The following SOS2 variants were observed in gnomAD, a reference collection of about 807,000 sequenced individuals.
The protein encoded by SOS2 is SOS Ras/Rho guanine nucleotide exchange factor 2, also known as son of sevenless homolog 2.
A neutral mutation model predicts 148.2 loss-of-function variants in SOS2; 65 were observed. That is an observed-to-expected ratio of 0.44 (90% confidence interval 0.36 to 0.54). The LOEUF is 0.54. SOS2 is among the 20% of genes least tolerant of loss of function. The probability of loss-of-function intolerance (pLI) is 0.00; values close to 1 mark genes in which losing one functional copy is unlikely to be tolerated. For synonymous variants in SOS2, 539 were observed against 537.1 expected, an observed-to-expected ratio of 1.00 and a Z score of -0.05; for missense variants, 1,341 against 1,590.2, an observed-to-expected ratio of 0.84 and a Z score of 2.67.
intron 11 of SOS2, among the ~76,000 whole-genome samples, chr14:50,157,557 G>A (rs1257078201): frequency 6.6e-6 from 1 of 152,066 alleles, no homozygotes; most frequent in Admixed American, 6.6e-5. Context: ...AAGTGGATAA[G>A]ATAAAGATAA....
chr14:50,176,756 T>A (rs1160192873), intron 7 of SOS2, among the ~76,000 whole-genome samples: 5 of 152,232 alleles, frequency 3.3e-5, no homozygotes, highest in Admixed American at 1.3e-4. Flanking sequence ...ACGCCTGTAA[T>A]CCCAGCACTT....
At chr14:50,189,330 G>GAAAAAAAAAAAAAAAAAAA (rs1566472509) in intron 4 of SOS2, among the ~76,000 whole-genome samples, 1 of 3,600 alleles carries the variant, frequency 2.8e-4, no homozygotes, top group Non-Finnish European at 7.7e-4. Flanking sequence ...ACACATAATA[G>GAAAAAAAAAAAAAAAAAAA]CAAAAAAAAA....
intron 1 of SOS2, among the ~76,000 whole-genome samples, chr14:50,224,091 T>A (rs1566487693): frequency 1.3e-5 from 2 of 151,196 alleles, no homozygotes; most frequent in Non-Finnish European, 2.9e-5. Context: ...AAGGCCAGCC[T>A]GGCCAACATG....
chr14:50,173,121 G>GC (rs1021698733), intron 8 of SOS2, among the ~76,000 whole-genome samples: 1 of 151,624 alleles, frequency 6.6e-6, no homozygotes, highest in Non-Finnish European at 1.5e-5. Flanking sequence ...TAGGCTTGTG[G>GC]CCACCATGCC....
At chr14:50,207,361 A>T (rs938465643) in intron 1 of SOS2, among the ~76,000 whole-genome samples, 8 of 152,108 alleles carry the variant, frequency 5.3e-5, no homozygotes, top group Admixed American at 5.2e-4. Flanking sequence ...AAATAAAAAA[A>T]TTAGCTGGGC....
chr14:50,227,353 T>C (rs1276284804), intron 1 of SOS2, among the ~76,000 whole-genome samples: 1 of 149,438 alleles, frequency 6.7e-6, no homozygotes, highest in Admixed American at 6.7e-5. Context: ...CAAGAGATTC[T>C]CTGCCTCAGC....
At chr14:50,167,799 G>C (rs1594987179) in intron 8 of SOS2, among the ~76,000 whole-genome samples, 1 of 81,624 alleles carries the variant, frequency 1.2e-5, no homozygotes, top group Non-Finnish European at 2.5e-5. Context: ...GAACCCAGGA[G>C]GTGGGGGTTG....
chr14:50,198,147 T>A (rs958397893), intron 4 of SOS2, among the ~76,000 whole-genome samples: 2 of 152,242 alleles, frequency 1.3e-5, no homozygotes, highest in South Asian at 4.1e-4. Flanking sequence ...AAAACTTGAA[T>A]GATGTTTGAA....
chr14:50,147,393 T>C (rs933187988), intron 14 of SOS2, among the ~76,000 whole-genome samples: 1 of 151,452 alleles, frequency 6.6e-6, no homozygotes, highest in Admixed American at 6.6e-5. Context: ...GTGCCTGTAG[T>C]TCTAGCTACT....
At chr14:50,143,925 T>C (rs184650785) in intron 16 of SOS2, among the ~76,000 whole-genome samples, 2 of 151,432 alleles carry the variant, frequency 1.3e-5, no homozygotes, top group East Asian at 3.9e-4. Flanking sequence ...TCCCAAAGTG[T>C]TGGGATTACA....
intron 1 of SOS2, among the ~76,000 whole-genome samples, chr14:50,227,476 G>A (rs1479495267): frequency 1.3e-5 from 2 of 151,640 alleles, no homozygotes; most frequent in African/African-American, 4.9e-5. Context: ...GCAGTGGCGC[G>A]ATCTCGGCTC....
chr14:50,119,803 CTTTTTTTTTTT>C, intron 22 of SOS2, among the ~76,000 whole-genome samples: 1 of 68,532 alleles, frequency 1.5e-5, no homozygotes, highest in South Asian at 5.0e-4. Flanking sequence ...CCCAACCAGC[CTTTTTTTTTTT>C]TTTTTTTTTT....
intron 16 of SOS2, among the ~76,000 whole-genome samples, chr14:50,141,339 G>A (rs993633566): frequency 1.1e-4 from 17 of 151,018 alleles, no homozygotes; most frequent in African/African-American, 4.1e-4. Context: ...GCGCAACATA[G>A]CAACGCCCAA....
At chr14:50,148,541 T>C (rs1164492126) in intron 14 of SOS2, among the ~76,000 whole-genome samples, 1 of 152,188 alleles carries the variant, frequency 6.6e-6, no homozygotes, top group Non-Finnish European at 1.5e-5. Flanking sequence ...ACAATTACAT[T>C]GTGAGAAAAA....
At chr14:50,198,913 C>T (rs1199185819) in intron 4 of SOS2, among the ~76,000 whole-genome samples, 4 of 152,230 alleles carry the variant, frequency 2.6e-5, no homozygotes, top group East Asian at 3.8e-4. Context: ...AATCCCAACA[C>T]TTTGGGAGGC....
chr14:50,192,143 C>CAA lies in SOS2; in HGVS notation c.511-3445_511-3444dup, dbSNP rs201836422. On this transcript the variant is annotated intron_variant, in intron 4 of 22. Transcript: ENST00000216373. ...CTCCGGCTTAGGTGAGTCCTTGTCA[C>CAA]AAAAAAAAAAAAAAAAAAAAAAAAA... is the stretch of plus-strand genomic sequence containing the variant. Among the ~76,000 whole-genome samples the CAA allele has an allele frequency of 2.4e-3, 286 of 118,818 alleles. 5 individuals are homozygous for CAA. Among genetic ancestry groups the CAA allele is most frequent in the Non-Finnish European group, 2.8e-3 (167 of 59,832 alleles). The allele number at this position is 118,818 out of a possible 152,430, so 77.9% of individuals were successfully genotyped here. A position where few individuals can be genotyped will look rare whatever the true frequency, so the allele number is the denominator to read the frequency against.
intron 1 of SOS2, chr14:50,230,780 G>T: frequency 2.2e-6 from 1 of 454,502 alleles, no homozygotes; most frequent in Non-Finnish European, 2.9e-6. Context: ...GGATACCCTT[G>T]ACAAGCAAAC....
rs530007285 is a variant in SOS2, at chr14:50,182,482, C to A, written c.839G>T (p.Cys280Phe). The A allele has an allele frequency of 6.2e-7, 1 of 1,613,940 alleles. No homozygotes were observed. Among genetic ancestry groups the A allele is most frequent in the Admixed American group, 1.7e-5 (1 of 59,986 alleles). The change falls in exon 6 of 23, where the codon TGT (cysteine) becomes TTT (phenylalanine). Residue 280 changes from cysteine to phenylalanine, a missense_variant. Physicochemically the swap from Cys to Phe is radical, Grantham distance 205 (BLOSUM62 -2). Transcript: ENST00000216373. ...ESSPHPLAGSCFEDLAEEQAF... is the reference protein window; with the variant it reads ...ESSPHPLAGSFFEDLAEEQAF... ...ACTTACTTCTGCCAAATCTTCAAAA[C>A]AGCTGCCAGCTAAGGGATGAGGACT...
At position 50,188,487 on chromosome 14, in the gene SOS2, A is replaced by T; in HGVS notation, c.714+10T>A. ...GGTACACAGAATTTCAAACCCAAAA[A>T]GGTACTTACAGAAGGTTTAAACAGC... On this transcript the variant is annotated intron_variant, in intron 5 of 22. Coordinates refer to ENST00000216373, the MANE Select transcript of SOS2 (RefSeq NM_006939.4). 6.4e-7 allele frequency: 1 copy of T among 1,570,688 alleles called. No homozygotes were observed. The highest frequency in any genetic ancestry group is 8.7e-7 in the Non-Finnish European group (1 of 1,152,012).
Sources: allele counts gnomAD v4.1 joint callset (sites outside exome capture counted in the v4.1 genomes callset), GRCh38; gene constraint gnomAD v4.1.1; transcripts MANE v1.5; gene names NCBI Gene and HGNC (gene_info 2026-07-23, HGNC 2026-07-21).